The following ADGRV1 variants were observed in gnomAD, a reference collection of about 807,000 sequenced individuals.
ADGRV1 encodes the protein adhesion G protein-coupled receptor V1.
A neutral mutation model predicts 596.2 loss-of-function variants in ADGRV1; 359 were observed. That is an observed-to-expected ratio of 0.60 (90% CI 0.55 to 0.66). The LOEUF (loss-of-function observed/expected upper bound fraction) is 0.66. Among genes scored for constraint, ADGRV1 ranks in the 30% least tolerant of loss-of-function variants. ADGRV1 has a pLI of 0.00. For missense variants in ADGRV1, 7,274 were observed against 7,575.6 expected, an observed-to-expected ratio of 0.96 and a Z score of 1.48; for synonymous variants, 2,681 against 2,679.2, an observed-to-expected ratio of 1.00 and a Z score of -0.02.
At chr5:91,110,461 A>G (rs1792271006) in intron 87 of ADGRV1, among the ~76,000 whole-genome samples, 1 of 152,172 alleles carries the variant, frequency 6.6e-6, no homozygotes, top group African/African-American at 2.4e-5. Context: ...TGCTTATGCC[A>G]CACTCATTAT....
intron 68 of ADGRV1, 134 bp downstream of exon 68, chr5:90,788,444 T>C (rs1759718491): frequency 1.2e-6 from 1 of 863,384 alleles, no homozygotes; most frequent in Non-Finnish European, 1.7e-6. Context: ...ATAATAATTC[T>C]GAAGGGTCAA....
chr5:90,805,578 C>G, intron 72 of ADGRV1, 120 bp downstream of exon 72: 1 of 832,700 alleles, frequency 1.2e-6, no homozygotes, highest in Non-Finnish European at 1.8e-6. Flanking sequence ...TACAATGCTC[C>G]CATATTTAAG....
chr5:91,025,106 C>T (rs934658053), intron 85 of ADGRV1, among the ~76,000 whole-genome samples: 4 of 152,142 alleles, frequency 2.6e-5, no homozygotes, highest in African/African-American at 9.7e-5. Flanking sequence ...TCACAAAAGA[C>T]CTGCCACATA....
intron 59 of ADGRV1, 58 bp downstream of exon 59, chr5:90,763,527 T>C: frequency 6.6e-7 from 1 of 1,516,986 alleles, no homozygotes; most frequent in Non-Finnish European, 9.1e-7. Context: ...GATTTTCTTT[T>C]TCCTTTTTAT....
chr5:91,163,567 T>G (rs1698734290), intron 89 of ADGRV1, among the ~76,000 whole-genome samples: 2 of 152,228 alleles, frequency 1.3e-5, no homozygotes, highest in African/African-American at 2.4e-5. Flanking sequence ...ATGTGTGTCT[T>G]TAGAAATTAA....
intron 54 of ADGRV1, among the ~76,000 whole-genome samples, chr5:90,754,317 A>C (rs1200403043): frequency 6.6e-6 from 1 of 152,170 alleles, no homozygotes; most frequent in Non-Finnish European, 1.5e-5. Context: ...TAAAATCATC[A>C]CCCAAATAAT....
intron 52 of ADGRV1, among the ~76,000 whole-genome samples, chr5:90,749,876 A>G (rs567234712): frequency 6.6e-6 from 1 of 152,316 alleles, no homozygotes; most frequent in Admixed American, 6.5e-5. Flanking sequence ...AAAGTAAGTA[A>G]TTCTATCATA....
At chr5:91,099,400 C>G (rs1026941857) in intron 86 of ADGRV1, among the ~76,000 whole-genome samples, 7 of 152,078 alleles carry the variant, frequency 4.6e-5, no homozygotes, top group Admixed American at 1.3e-4. Flanking sequence ...TAGTACAGAG[C>G]AAGGTGTGCA....
intron 16 of ADGRV1, among the ~76,000 whole-genome samples, chr5:90,646,689 A>T (rs1042634736): frequency 6.6e-6 from 1 of 151,314 alleles, no homozygotes; most frequent in Non-Finnish European, 1.5e-5. Flanking sequence ...TGTCAGCTAT[A>T]TATGGGTTAA....
At chr5:90,764,500 C>T (rs1561682711) in intron 59 of ADGRV1, among the ~76,000 whole-genome samples, 1 of 152,342 alleles carries the variant, frequency 6.6e-6, no homozygotes, top group East Asian at 1.9e-4. Flanking sequence ...GTGTCTGCAA[C>T]AGTCTAGAGT....
intron 1 of ADGRV1, among the ~76,000 whole-genome samples, chr5:90,571,434 A>C (rs1202161163): frequency 6.6e-6 from 1 of 152,084 alleles, no homozygotes; most frequent in Non-Finnish European, 1.5e-5. Context: ...GGTTCTAGGA[A>C]TATGTCAGAA....
At chr5:90,817,221 T>C (rs1581215515) in intron 75 of ADGRV1, among the ~76,000 whole-genome samples, 1 of 151,276 alleles carries the variant, frequency 6.6e-6, no homozygotes, top group Non-Finnish European at 1.5e-5. Context: ...TTTTGAGAAG[T>C]GTCTGTTCAT....
Position 90,675,295 on chromosome 5 carries a change from C to A in ADGRV1, c.5163C>A (p.Thr1721=). The A allele has an allele frequency of 6.2e-7, 1 of 1,613,756 alleles. No homozygotes were observed. Among genetic ancestry groups the A allele is most frequent in the Non-Finnish European group, 8.5e-7 (1 of 1,179,840 alleles). ...CTCCTCAGCCTAAGGACGCAATGAC[C>A]CTGCCTGCAAGCAGCGTTCCACATA... ...GLPPQPKDAM[T]LPASSVPHIT... Residue 1721 remains threonine (T), a synonymous_variant, in exon 24 of 90, where the codon ACC becomes ACA. Transcript: ENST00000405460.
At chr5:90,960,137 C>CAAAAAA (rs35383493) in intron 83 of ADGRV1, among the ~76,000 whole-genome samples, 18 of 103,962 alleles carry the variant, frequency 1.7e-4, no homozygotes, top group African/African-American at 6.5e-4. Flanking sequence ...AGACTCATCT[C>CAAAAAA]AAAAAAAAAA....
At chr5:90,924,506 G>T (rs1774222362) in intron 83 of ADGRV1, among the ~76,000 whole-genome samples, 1 of 149,272 alleles carries the variant, frequency 6.7e-6, no homozygotes, top group South Asian at 2.2e-4. Context: ...AATTTGTTTT[G>T]AGTTCATTGT....
chr5:90,685,056 A>G (rs1413746377), intron 28 of ADGRV1, among the ~76,000 whole-genome samples: 2 of 152,226 alleles, frequency 1.3e-5, no homozygotes, highest in East Asian at 3.9e-4. Context: ...ATATTATGTA[A>G]AGTGATGATT....
At chr5:91,058,610 G>T (rs546669301) in intron 85 of ADGRV1, among the ~76,000 whole-genome samples, 6 of 152,244 alleles carry the variant, frequency 3.9e-5, no homozygotes, top group African/African-American at 1.4e-4. Context: ...CCACTGGCCA[G>T]ACTGGTTTGT....
rs145327580 is a variant in ADGRV1 at position 90,742,526 on chromosome 5, G to A, written c.10550-2520G>A. Among the ~76,000 whole-genome samples, 321 of 152,200 alleles carry A rather than the reference G, an allele frequency of 2.1e-3. 2 individuals carry two copies. The highest frequency in any genetic ancestry group is 7.3e-3 in the African/African-American group (303 of 41,524). The stretch of plus-strand genomic sequence containing the variant: ...ATCAGATAGGGACTTAAAGGATTAT[G>A]GTCTTTATCCTAAAAGTATTGAGAT... On this transcript the variant is annotated intron_variant, in intron 50 of 89. Coordinates refer to ENST00000405460, the MANE Select transcript of ADGRV1 (RefSeq NM_032119.4).
chr5:90,773,284 G>C (rs2150058392), intron 59 of ADGRV1, among the ~76,000 whole-genome samples: 1 of 152,040 alleles, frequency 6.6e-6, no homozygotes, highest in East Asian at 1.9e-4. Context: ...TAATATGATG[G>C]GAAGAGTTTT....
Sources: allele counts gnomAD v4.1 joint callset (sites outside exome capture counted in the v4.1 genomes callset), GRCh38; gene constraint gnomAD v4.1.1; transcripts MANE v1.5; gene names NCBI Gene and HGNC (gene_info 2026-07-23, HGNC 2026-07-21).